The following CEP89 variants were observed in gnomAD, a reference collection of about 807,000 sequenced individuals.
CEP89 encodes the protein centrosomal protein of 89 kDa.
In CEP89, 95 loss-of-function variants were observed where a neutral mutation model predicts 97.6. That is an observed-to-expected ratio of 0.97 (90% CI 0.82 to 1.15). CEP89 has a LOEUF of 1.15. Ranked by LOEUF, CEP89 falls within the 50% of genes most tolerant of loss-of-function variation. CEP89 has a pLI of 0.00. For missense variants in CEP89, 869 were observed against 947.7 expected (o/e 0.92, Z 1.09); for synonymous variants, 354 against 349.1 (o/e 1.01, Z -0.16).
intron 3 of CEP89, among the ~76,000 whole-genome samples, chr19:32,957,182 C>T (rs73035563): frequency 0.15 from 22,148 of 152,126 alleles, 1,976 homozygotes; most frequent in Non-Finnish European, 0.21. Flanking sequence ...GGGCTGGGCA[C>T]AATGGCTTTT....
intron 10 of CEP89, 34 bp downstream of exon 10, chr19:32,926,900 A>AATATGGGC: frequency 1.3e-6 from 2 of 1,599,234 alleles, no homozygotes; most frequent in Middle Eastern, 3.3e-4. Context: ...ATACCCTGAA[A>AATATGGGC]ATATGGGCCT....
intron 14 of CEP89, among the ~76,000 whole-genome samples, chr19:32,909,319 T>C (rs1181295056): frequency 1.3e-5 from 2 of 152,216 alleles, no homozygotes; most frequent in Non-Finnish European, 2.9e-5. Context: ...AAGCTGACCA[T>C]TGCATGCACC....
chr19:32,964,282 G>A (rs368271946), intron 2 of CEP89, among the ~76,000 whole-genome samples: 4 of 151,662 alleles, frequency 2.6e-5, no homozygotes, highest in African/African-American at 7.3e-5. Flanking sequence ...GGCGATTCTC[G>A]TGCCTCAGCC....
At chr19:32,911,485 T>C (rs1969999197) in intron 14 of CEP89, among the ~76,000 whole-genome samples, 1 of 152,112 alleles carries the variant, frequency 6.6e-6, no homozygotes, top group African/African-American at 2.4e-5. Flanking sequence ...AAATCCTGTC[T>C]CTAATAAAAA....
At chr19:32,923,039 A>C (rs1487796086) in intron 12 of CEP89, among the ~76,000 whole-genome samples, 1 of 152,074 alleles carries the variant, frequency 6.6e-6, no homozygotes, top group African/African-American at 2.4e-5. Context: ...GGCGGATGGA[A>C]GCTGGTCGTG....
At chr19:32,890,591 G>A (rs1464512561) in intron 16 of CEP89, among the ~76,000 whole-genome samples, 2 of 152,262 alleles carry the variant, frequency 1.3e-5, no homozygotes, top group African/African-American at 4.8e-5. Flanking sequence ...GCGCAATGAA[G>A]GAGAGGGAGA....
chr19:32,901,538 C>T (rs975627733), intron 14 of CEP89, 126 bp from the exon 15 acceptor site: 5 of 926,072 alleles, frequency 5.4e-6, no homozygotes, highest in African/African-American at 1.7e-5. Flanking sequence ...ACTTGGAATG[C>T]CTCTGTGGAA....
chr19:32,960,754 G>A (rs1306716676), intron 2 of CEP89, among the ~76,000 whole-genome samples: 1 of 143,404 alleles, frequency 7.0e-6, no homozygotes, highest in African/African-American at 2.4e-5. Context: ...AGGTTACTAT[G>A]AGCCTACATT....
At position 32,937,612 on chromosome 19, in the gene CEP89, T is replaced by A; in HGVS notation, c.667+19A>T. On this transcript the variant is annotated intron_variant, in intron 7 of 18. Transcript: ENST00000305768. ...CAAAACAAGCTTTTCAATCATAATA[T>A]AATTCAAAAGGCAAATACCTGGGGA... 6.4e-7 allele frequency: 1 copy of A among 1,557,758 alleles called. No homozygotes were observed. The highest frequency in any genetic ancestry group is 1.4e-5 in the African/African-American group (1 of 73,740).
At chr19:32,957,153 T>A (rs1356620304) in intron 3 of CEP89, among the ~76,000 whole-genome samples, 1 of 152,198 alleles carries the variant, frequency 6.6e-6, no homozygotes, top group African/African-American at 2.4e-5. Context: ...ACTTTATCTA[T>A]ATGTTTTAAA....
In CEP89 at chr19:32,896,779, C is replaced by CT. The variant is rs1024819296; in HGVS notation, c.1875+3077dup. Among the ~76,000 whole-genome samples, 707 of 146,416 alleles carry CT rather than the reference C, an allele frequency of 4.8e-3. 3 individuals are homozygous for CT. The highest frequency in any genetic ancestry group is 0.012 in the African/African-American group (497 of 40,360). On this transcript the variant is annotated intron_variant, in intron 16 of 18. Coordinates refer to ENST00000305768, the MANE Select transcript of CEP89 (RefSeq NM_032816.5). Reference sequence around the variant, plus strand: ...CAGTTCTCTCTGTCTCTCTCTCTCTCTTTTTTTTTTTAAGGAACACAACTC... The same window carrying CT: ...CAGTTCTCTCTGTCTCTCTCTCTCTCTTTTTTTTTTTTAAGGAACACAACTC...
chr19:32,960,093 C>T (rs1435543314), intron 2 of CEP89, 35 bp from the exon 3 acceptor site: 1 of 1,611,436 alleles, frequency 6.2e-7, no homozygotes, highest in Non-Finnish European at 8.5e-7. Flanking sequence ...GACAGTGAGA[C>T]ATGAACATTC....
rs532147894 is a variant in CEP89, at chr19:32,965,182, T to A, written c.146+1178A>T. 4.6e-5 allele frequency among the ~76,000 whole-genome samples: 7 copies of A among 152,222 alleles called. No homozygotes were observed. In the South Asian group the frequency reaches 1.5e-3, roughly 32 times the overall value. ...CCTGCCTCAGCCTCCCAGGATCAGT[T>A]TACCCTAGGAGTTCAAGACCAACTT... is the stretch of plus-strand genomic sequence containing the variant. On this transcript the variant is annotated intron_variant, in intron 2 of 18. Coordinates refer to ENST00000305768, the MANE Select transcript of CEP89 (RefSeq NM_032816.5).
At chr19:32,882,944 C>T (rs767061934) in intron 17 of CEP89, among the ~76,000 whole-genome samples, 8 of 152,012 alleles carry the variant, frequency 5.3e-5, no homozygotes, top group East Asian at 1.9e-4. Context: ...CTGCAAGCTC[C>T]GCCTCCCGGG....
chr19:32,944,809 G>A (rs1970762155), intron 5 of CEP89, among the ~76,000 whole-genome samples: 1 of 152,206 alleles, frequency 6.6e-6, no homozygotes, highest in African/African-American at 2.4e-5. Context: ...CAGAGGTCTC[G>A]CTAGAGTGCA....
intron 11 of CEP89, 150 bp from the exon 12 acceptor site, chr19:32,923,692 A>C: frequency 1.6e-6 from 1 of 612,692 alleles, no homozygotes; most frequent in Non-Finnish European, 2.9e-6. Flanking sequence ...CGGTACCAGC[A>C]CCAGTGGTGC....
intron 18 of CEP89, 70 bp from the exon 19 acceptor site, chr19:32,879,448 C>A: frequency 1.5e-6 from 2 of 1,299,448 alleles, no homozygotes; most frequent in Non-Finnish European, 1.1e-6. Flanking sequence ...CCCAAAGTAG[C>A]AAGAACTCAA....
chr19:32,933,324 C>CA (rs1970513591), intron 8 of CEP89, 127 bp downstream of exon 8: 2 of 761,476 alleles, frequency 2.6e-6, no homozygotes, highest in African/African-American at 1.8e-5. Context: ...AGGATATTAA[C>CA]AAAAAAACCT....
At chr19:32,881,448 T>C (rs1361288459) in intron 18 of CEP89, among the ~76,000 whole-genome samples, 6 of 152,142 alleles carry the variant, frequency 3.9e-5, no homozygotes. Context: ...GAGAACCGCT[T>C]GAATCCGGGA....
Sources: gnomAD v4.1 joint callset for allele counts (sites outside exome capture counted in the v4.1 genomes callset) on GRCh38, gnomAD v4.1.1 for gene constraint, MANE v1.5 for transcripts, NCBI Gene and HGNC (gene_info 2026-07-23, HGNC 2026-07-21) for gene names.